TMEM108: variants seen among roughly 807,000 people sequenced by gnomAD.
The protein encoded by TMEM108 is cancer/testis antigen 124.
Under a neutral mutation model 35.1 loss-of-function variants are expected in TMEM108, and 12 were observed. The ratio of observed to expected loss-of-function variants is 0.34; its 90% CI spans 0.22 to 0.55. TMEM108 has a LOEUF of 0.55. TMEM108 is among the 20% of genes least tolerant of loss of function. The probability of loss-of-function intolerance (pLI) is 0.89; values close to 1 mark genes in which losing one functional copy is unlikely to be tolerated. For missense variants in TMEM108, 680 were observed against 753.3 expected (o/e 0.90, Z 1.14); for synonymous variants, 287 against 308.6 (o/e 0.93, Z 0.73).
chr3:133,224,317 C>G (rs1284341108), intron 2 of TMEM108, among the ~76,000 whole-genome samples: 3 of 152,094 alleles, frequency 2.0e-5, no homozygotes, highest in Non-Finnish European at 2.9e-5. Flanking sequence ...CTTTCATTGC[C>G]CCTGTCAAGC....
chr3:133,064,401 G>T (rs748486000), intron 2 of TMEM108, among the ~76,000 whole-genome samples: 2 of 152,088 alleles, frequency 1.3e-5, no homozygotes, highest in African/African-American at 4.8e-5. Flanking sequence ...CAGATGCGTG[G>T]GTCTTTAATA....
chr3:133,151,861 C>T (rs949326451), intron 2 of TMEM108, among the ~76,000 whole-genome samples: 22 of 152,088 alleles, frequency 1.4e-4, no homozygotes, highest in African/African-American at 4.8e-4. Flanking sequence ...ACAGCACCTC[C>T]GTATCCTGAG....
At chr3:133,211,987 A>C (rs925096859) in intron 2 of TMEM108, among the ~76,000 whole-genome samples, 4 of 152,166 alleles carry the variant, frequency 2.6e-5, no homozygotes, top group African/African-American at 9.7e-5. Context: ...GCTCTATTAC[A>C]GGTGGGATTT....
At chr3:133,090,400 A>G (rs1352023640) in intron 2 of TMEM108, among the ~76,000 whole-genome samples, 1 of 152,220 alleles carries the variant, frequency 6.6e-6, no homozygotes, top group Non-Finnish European at 1.5e-5. Context: ...AAAGGGAACT[A>G]TTACATAGCT....
chr3:133,154,842 T>A (rs1197208985), intron 2 of TMEM108, among the ~76,000 whole-genome samples: 2 of 152,046 alleles, frequency 1.3e-5, no homozygotes, highest in Non-Finnish European at 2.9e-5. Flanking sequence ...GTACATGTAC[T>A]GTAAAACTTA....
chr3:133,057,443 A>ATATATATATATATATGTGTG (rs1943481579), intron 2 of TMEM108, among the ~76,000 whole-genome samples: 2 of 11,462 alleles, frequency 1.7e-4, no homozygotes, highest in Non-Finnish European at 5.1e-4. Context: ...GTGTATATAT[A>ATATATATATATATATGTGTG]TATATATATA....
At chr3:133,315,245 G>T (rs1210382771) in intron 3 of TMEM108, among the ~76,000 whole-genome samples, 2 of 152,212 alleles carry the variant, frequency 1.3e-5, no homozygotes, top group African/African-American at 2.4e-5. Context: ...CAGTGGTTCA[G>T]TAACTTGCCT....
intron 3 of TMEM108, among the ~76,000 whole-genome samples, chr3:133,373,323 T>A (rs966116707): frequency 2.8e-5 from 4 of 142,194 alleles, no homozygotes; most frequent in Admixed American, 7.3e-5. Flanking sequence ...CACTCTAGCC[T>A]GGGTCACAGA....
At chr3:133,211,541 A>G (rs187896772) in intron 2 of TMEM108, among the ~76,000 whole-genome samples, 31 of 152,338 alleles carry the variant, frequency 2.0e-4, no homozygotes, top group Admixed American at 1.8e-3. Context: ...CACCAAAACC[A>G]TAAAAAGGGA....
intron 2 of TMEM108, among the ~76,000 whole-genome samples, chr3:133,073,510 C>CTCTCTCTCTCTCTCTCTCTATATA: frequency 1.2e-3 from 53 of 43,866 alleles, no homozygotes; most frequent in African/African-American, 2.1e-3. Flanking sequence ...CTCTCTCTCT[C>CTCTCTCTCTCTCTCTCTCTATATA]TATATATATA....
chr3:133,122,888 A>C, intron 2 of TMEM108, among the ~76,000 whole-genome samples: 1 of 151,034 alleles, frequency 6.6e-6, no homozygotes, highest in East Asian at 1.9e-4. Flanking sequence ...AAAATTGGTC[A>C]ACATTTTAAG....
At chr3:133,176,573 T>G (rs898284857) in intron 2 of TMEM108, among the ~76,000 whole-genome samples, 1 of 151,662 alleles carries the variant, frequency 6.6e-6, no homozygotes, top group African/African-American at 2.4e-5. Flanking sequence ...GACTACTGGG[T>G]ACATAACGAA....
chr3:133,112,472 T>C lies in TMEM108; in HGVS notation c.-47+66452T>C, dbSNP rs145720328. The stretch of plus-strand genomic sequence containing the variant: ...CAAGGGGGTCTCAGTTATGCCAACT[T>C]CTATTATTATAAAGAAACTTTCTGA... On this transcript the variant is annotated intron_variant, in intron 2 of 5. Coordinates refer to ENST00000321871, the MANE Select transcript of TMEM108 (RefSeq NM_023943.4). Among the ~76,000 whole-genome samples the C allele has an allele frequency of 2.2e-4, 33 of 152,270 alleles. No individual in the cohort carries two copies. In the East Asian group the frequency reaches 5.6e-3, roughly 26 times the overall value.
intron 2 of TMEM108, among the ~76,000 whole-genome samples, chr3:133,167,388 G>T (rs529637121): frequency 6.6e-6 from 1 of 152,246 alleles, no homozygotes; most frequent in Non-Finnish European, 1.5e-5. Context: ...CCAGTCCCGC[G>T]CTGTGCGCCC....
intron 2 of TMEM108, among the ~76,000 whole-genome samples, chr3:133,083,170 GCC>G (rs201976584): frequency 3.7e-5 from 5 of 136,414 alleles, no homozygotes; most frequent in Admixed American, 3.1e-4. Context: ...TACTTGGAAA[GCC>G]CCCCCCCACC....
At chr3:133,136,165 A>G (rs1944561992) in intron 2 of TMEM108, among the ~76,000 whole-genome samples, 1 of 152,214 alleles carries the variant, frequency 6.6e-6, no homozygotes, top group Non-Finnish European at 1.5e-5. Context: ...GAAACTTGAA[A>G]TGTAGTCCTG....
At chr3:133,038,815 A>T (rs1420165477) in intron 1 of TMEM108, among the ~76,000 whole-genome samples, 1 of 152,058 alleles carries the variant, frequency 6.6e-6, no homozygotes, top group African/African-American at 2.4e-5. Flanking sequence ...ATGCAGGGGG[A>T]CCTGTCACAT....
At chr3:133,386,697 G>A in intron 4 of TMEM108, 1 of 1,389,288 alleles carries the variant, frequency 7.2e-7, no homozygotes, top group South Asian at 1.8e-5. Flanking sequence ...AAATGGGAAA[G>A]GGAACAGTTA....
At chr3:133,052,813 G>T (rs1417208354) in intron 2 of TMEM108, among the ~76,000 whole-genome samples, 3 of 152,014 alleles carry the variant, frequency 2.0e-5, no homozygotes, top group African/African-American at 7.2e-5. Flanking sequence ...AGGATGTTTG[G>T]GCTCTCTGGT....
Sources: allele counts gnomAD v4.1 joint callset (sites outside exome capture counted in the v4.1 genomes callset), GRCh38; gene constraint gnomAD v4.1.1; transcripts MANE v1.5; gene names NCBI Gene and HGNC (gene_info 2026-07-23, HGNC 2026-07-21).